The following INPP4B variants were observed in gnomAD, a reference collection of about 807,000 sequenced individuals.
INPP4B encodes inositol polyphosphate 4-phosphatase type II.
A neutral mutation model predicts 122.5 loss-of-function variants in INPP4B; 55 were observed. The ratio of observed to expected loss-of-function variants is 0.45; its 90% confidence interval spans 0.36 to 0.56. The LOEUF (loss-of-function observed/expected upper bound fraction) is 0.56. Ranked by LOEUF, INPP4B falls within the 20% of genes least tolerant of loss-of-function variation. INPP4B has a pLI of 0.00. For missense variants in INPP4B, 1,000 were observed against 1,097.7 expected (o/e 0.91, Z 1.26); for synonymous variants, 403 against 388.7 (o/e 1.04, Z -0.43).
At chr4:142,100,815 T>A (rs1201978579) in intron 23 of INPP4B, among the ~76,000 whole-genome samples, 2 of 152,056 alleles carry the variant, frequency 1.3e-5, no homozygotes, top group Non-Finnish European at 2.9e-5. Context: ...TGTTGAAGCT[T>A]AGTTGAGAGA....
At chr4:142,645,703 T>A (rs1261226914) in intron 2 of INPP4B, among the ~76,000 whole-genome samples, 19 of 152,182 alleles carry the variant, frequency 1.2e-4, no homozygotes, top group Admixed American at 1.2e-3. Flanking sequence ...TTGGAACGGT[T>A]ATATCAGCTG....
At chr4:142,329,948 C>T (rs1378421348) in intron 7 of INPP4B, among the ~76,000 whole-genome samples, 1 of 151,972 alleles carries the variant, frequency 6.6e-6, no homozygotes, top group African/African-American at 2.4e-5. Flanking sequence ...AAAAAGCATT[C>T]AGAAAAAGCA....
chr4:142,602,030 CTAAATAAAACAG>C (rs1740119310), intron 2 of INPP4B, among the ~76,000 whole-genome samples: 1 of 145,420 alleles, frequency 6.9e-6, no homozygotes, highest in Non-Finnish European at 1.5e-5. Context: ...CGGAGAAGAA[CTAAATAAAACAG>C]AGATTTAAAA....
At chr4:142,221,988 C>T (rs530380166) in intron 12 of INPP4B, among the ~76,000 whole-genome samples, 1 of 152,254 alleles carries the variant, frequency 6.6e-6, no homozygotes, top group African/African-American at 2.4e-5. Flanking sequence ...GAGATGGAGC[C>T]TCACTCTGTC....
At chr4:142,165,972 T>C (rs1258364029) in intron 16 of INPP4B, among the ~76,000 whole-genome samples, 1 of 151,832 alleles carries the variant, frequency 6.6e-6, no homozygotes, top group East Asian at 1.9e-4. Context: ...TAATGGTAAA[T>C]GATGCTGGGC....
intron 7 of INPP4B, among the ~76,000 whole-genome samples, chr4:142,386,713 T>C (rs1308602049): frequency 1.3e-5 from 2 of 152,208 alleles, no homozygotes; most frequent in Non-Finnish European, 2.9e-5. Context: ...TTTTCCACTA[T>C]GTGGCTCCAC....
chr4:142,031,953 A>G (rs977093545), intron 25 of INPP4B, among the ~76,000 whole-genome samples: 2 of 152,192 alleles, frequency 1.3e-5, no homozygotes, highest in African/African-American at 4.8e-5. Flanking sequence ...TAGAAAAATA[A>G]TAACATCTGA....
intron 5 of INPP4B, among the ~76,000 whole-genome samples, chr4:142,421,364 G>T (rs1024807578): frequency 3.9e-5 from 6 of 152,072 alleles, no homozygotes; most frequent in African/African-American, 1.4e-4. Flanking sequence ...GGCACAGCCT[G>T]CCTAAAAAAT....
chr4:142,176,166 C>A (rs985080236), intron 15 of INPP4B, among the ~76,000 whole-genome samples: 1 of 116,696 alleles, frequency 8.6e-6, no homozygotes. Context: ...ACTTTAAGTT[C>A]TAGGGTACAT....
At chr4:142,655,798 A>AATTC (rs2150563117) in intron 2 of INPP4B, among the ~76,000 whole-genome samples, 1 of 152,282 alleles carries the variant, frequency 6.6e-6, no homozygotes, top group African/African-American at 2.4e-5. Flanking sequence ...TTAAAGTCCA[A>AATTC]CTACTCTAAT....
intron 2 of INPP4B, among the ~76,000 whole-genome samples, chr4:142,573,059 GA>G (rs1168285898): frequency 6.6e-6 from 1 of 151,996 alleles, no homozygotes; most frequent in African/African-American, 2.4e-5. Flanking sequence ...GCATGGCTGG[GA>G]GACCTCAGGA....
intron 2 of INPP4B, among the ~76,000 whole-genome samples, chr4:142,699,977 A>G (rs1027009739): frequency 6.6e-6 from 1 of 152,144 alleles, no homozygotes; most frequent in South Asian, 2.1e-4. Flanking sequence ...CAGCATACAA[A>G]CAATCTATTA....
intron 14 of INPP4B, among the ~76,000 whole-genome samples, chr4:142,193,696 T>C (rs1836972128): frequency 6.6e-6 from 1 of 152,194 alleles, no homozygotes; most frequent in South Asian, 2.1e-4. Flanking sequence ...TTCCTGATTG[T>C]GTATACTAAA....
At chr4:142,779,574 C>A (rs1774484106) in intron 1 of INPP4B, among the ~76,000 whole-genome samples, 1 of 152,036 alleles carries the variant, frequency 6.6e-6, no homozygotes, top group African/African-American at 2.4e-5. Flanking sequence ...CAACATGGTA[C>A]ACTGAGGTCA....
At chr4:142,426,222 A>C (rs1808025935) in intron 5 of INPP4B, among the ~76,000 whole-genome samples, 1 of 152,000 alleles carries the variant, frequency 6.6e-6, no homozygotes, top group Admixed American at 6.6e-5. Context: ...ACCTTAAAGT[A>C]GTTCATAGAA....
chr4:142,352,235 T>C (rs1782140367), intron 7 of INPP4B, among the ~76,000 whole-genome samples: 1 of 151,982 alleles, frequency 6.6e-6, no homozygotes, highest in Non-Finnish European at 1.5e-5. Flanking sequence ...CAGCAAAGCC[T>C]AATCAAGTTG....
chr4:142,830,953 C>T (rs930955596), intron 1 of INPP4B, among the ~76,000 whole-genome samples: 2 of 150,970 alleles, frequency 1.3e-5, no homozygotes, highest in African/African-American at 4.9e-5. Flanking sequence ...GCCCAGGAAG[C>T]AGAGGCTACA....
chr4:142,371,761 G>A (rs1789984254), intron 7 of INPP4B, among the ~76,000 whole-genome samples: 1 of 151,384 alleles, frequency 6.6e-6, no homozygotes, highest in Admixed American at 6.6e-5. Context: ...GAATGGATAT[G>A]ATCAAAAATA....
At chr4:142,481,089 C>T (rs540621749) in intron 2 of INPP4B, among the ~76,000 whole-genome samples, 6 of 146,344 alleles carry the variant, frequency 4.1e-5, no homozygotes, top group East Asian at 2.0e-4. Context: ...GAACCAAGAT[C>T]GCACCACTGC....
Sources: gnomAD v4.1 joint callset for allele counts (sites outside exome capture counted in the v4.1 genomes callset) on GRCh38, gnomAD v4.1.1 for gene constraint, MANE v1.5 for transcripts, NCBI Gene and HGNC (gene_info 2026-07-23, HGNC 2026-07-21) for gene names.